Variants in RBFOX1 observed in about 807,000 individuals in gnomAD.
The protein encoded by RBFOX1 is RNA binding fox-1 homolog 1, also known as RNA binding protein fox-1 homolog 1.
RBFOX1 carries 8 observed loss-of-function variants against 57.7 expected under a neutral mutation model. The ratio of observed to expected loss-of-function variants is 0.14; its 90% confidence interval spans 0.08 to 0.25. RBFOX1 has a LOEUF of 0.25. RBFOX1 is among the 10% of genes least tolerant of loss of function. The probability of loss-of-function intolerance (pLI) is 1.00; values close to 1 mark genes in which losing one functional copy is unlikely to be tolerated. For synonymous variants in RBFOX1, 326 were observed against 222.4 expected, an observed-to-expected ratio of 1.47 and a Z score of -4.15; for missense variants, 611 against 548.5, an observed-to-expected ratio of 1.11 and a Z score of -1.14.
chr16:5,480,284 C>A (rs764986210), intron 2 of RBFOX1, among the ~76,000 whole-genome samples: 1 of 152,062 alleles, frequency 6.6e-6, no homozygotes, highest in African/African-American at 2.4e-5. Context: ...CCTAATCTCT[C>A]TCCAAGGTCC....
At chr16:6,800,523 G>A (rs1267215752) in intron 3 of RBFOX1, among the ~76,000 whole-genome samples, 2 of 152,106 alleles carry the variant, frequency 1.3e-5, no homozygotes, top group African/African-American at 4.8e-5. Context: ...TGATTCAAAA[G>A]CCGCCCTTCC....
intron 2 of RBFOX1, among the ~76,000 whole-genome samples, chr16:6,552,217 A>G (rs1262449809): frequency 6.6e-6 from 1 of 152,202 alleles, no homozygotes; most frequent in Non-Finnish European, 1.5e-5. Context: ...TTTAAGCTGA[A>G]TTAGACCAGT....
At chr16:7,411,594 T>C (rs2098425714) in intron 4 of RBFOX1, among the ~76,000 whole-genome samples, 1 of 152,102 alleles carries the variant, frequency 6.6e-6, no homozygotes, top group Admixed American at 6.6e-5. Context: ...TATCTGACTG[T>C]CAAGGTGATC....
intron 4 of RBFOX1, among the ~76,000 whole-genome samples, chr16:7,069,014 C>G (rs1295044075): frequency 6.6e-6 from 1 of 152,102 alleles, no homozygotes; most frequent in Non-Finnish European, 1.5e-5. Flanking sequence ...CACTTAAGTG[C>G]TAAGTAAAAC....
intron 6 of RBFOX1, among the ~76,000 whole-genome samples, chr16:7,585,912 TGCCCCACCCCTC>T (rs1264134708): frequency 6.6e-6 from 1 of 152,102 alleles, no homozygotes; most frequent in Non-Finnish European, 1.5e-5. Flanking sequence ...TTTTTTATCC[TGCCCCACCCCTC>T]ACCCCAGTCG....
chr16:6,950,805 A>T (rs1182888613), intron 3 of RBFOX1, among the ~76,000 whole-genome samples: 2 of 152,164 alleles, frequency 1.3e-5, no homozygotes, highest in Non-Finnish European at 1.5e-5. Context: ...ATCACAACAG[A>T]TGCTAAAGGA....
chr16:5,762,078 T>C (rs1181797182), intron 3 of RBFOX1, among the ~76,000 whole-genome samples: 1 of 152,154 alleles, frequency 6.6e-6, no homozygotes, highest in Non-Finnish European at 1.5e-5. Flanking sequence ...AATGGATCTA[T>C]TGTAAGAATA....
chr16:7,495,590 G>A (rs550732260), intron 4 of RBFOX1, among the ~76,000 whole-genome samples: 3 of 152,092 alleles, frequency 2.0e-5, no homozygotes, highest in East Asian at 1.9e-4. Flanking sequence ...GCATTTTTTC[G>A]TATGTTTGTT....
In RBFOX1 at chr16:7,658,807, C is replaced by T. The variant is rs181974657; in HGVS notation, c.890+4860C>T. On this transcript the variant is annotated intron_variant, in intron 12 of 15. Coordinates refer to ENST00000550418, the MANE Select transcript of RBFOX1 (RefSeq NM_018723.4). ...TGGTACAATCTCTGCTCACTGCAAC[C>T]TCCTCCTCCTGGGTTCAAGCAATTC... 2.2e-3 allele frequency among the ~76,000 whole-genome samples: 342 copies of T among 152,162 alleles called. 2 individuals carry two copies. The highest frequency in any genetic ancestry group is 3.4e-3 in the Middle Eastern group (1 of 294).
intron 2 of RBFOX1, among the ~76,000 whole-genome samples, chr16:5,544,238 T>A (rs1260716690): frequency 6.6e-6 from 1 of 152,304 alleles, no homozygotes; most frequent in East Asian, 1.9e-4. Flanking sequence ...AGTTCTTTGG[T>A]CCCAGTGGAA....
chr16:5,921,972 C>A (rs1001015306), intron 4 of RBFOX1, among the ~76,000 whole-genome samples: 4 of 150,992 alleles, frequency 2.6e-5, no homozygotes, highest in African/African-American at 9.8e-5. Flanking sequence ...AGCAACACAG[C>A]TGGACGCCAT....
intron 2 of RBFOX1, among the ~76,000 whole-genome samples, chr16:6,424,370 C>A (rs1370990648): frequency 6.6e-6 from 1 of 152,150 alleles, no homozygotes; most frequent in Non-Finnish European, 1.5e-5. Context: ...ATGTCTCATT[C>A]CACTGGGTGC....
intron 1 of RBFOX1, among the ~76,000 whole-genome samples, chr16:5,408,084 G>A (rs1268714055): frequency 6.6e-6 from 1 of 152,180 alleles, no homozygotes; most frequent in African/African-American, 2.4e-5. Flanking sequence ...TTTAAAGGTA[G>A]TGAATTATCT....
At chr16:7,211,693 G>A (rs1034230152) in intron 4 of RBFOX1, among the ~76,000 whole-genome samples, 1 of 152,130 alleles carries the variant, frequency 6.6e-6, no homozygotes, top group African/African-American at 2.4e-5. Context: ...TTCCTGCCCT[G>A]GGGTAATGGG....
intron 3 of RBFOX1, among the ~76,000 whole-genome samples, chr16:6,674,090 T>C (rs1203351992): frequency 6.6e-6 from 1 of 152,190 alleles, no homozygotes; most frequent in African/African-American, 2.4e-5. Flanking sequence ...TTGGTTCTAA[T>C]AGAAACACCA....
In RBFOX1 at chr16:6,794,884, G is replaced by T. The variant is rs373847997; in HGVS notation, c.-16+140234G>T. 1.8e-4 allele frequency among the ~76,000 whole-genome samples: 27 copies of T among 152,178 alleles called. 1 individual carries two copies. The highest frequency in any genetic ancestry group is 6.3e-4 in the African/African-American group (26 of 41,512). Reference sequence around the variant, plus strand: ...TTTTCCCCCTATGAAAAAAATGGAGGGAAGGCCTCTGGATCAACCCATTCA... The same window carrying T: ...TTTTCCCCCTATGAAAAAAATGGAGTGAAGGCCTCTGGATCAACCCATTCA... On this transcript the variant is annotated intron_variant, in intron 3 of 15. Coordinates refer to ENST00000550418, the MANE Select transcript of RBFOX1 (RefSeq NM_018723.4).
chr16:5,856,282 T>TACACACAC (rs1420858986), intron 3 of RBFOX1, among the ~76,000 whole-genome samples: 1 of 29,982 alleles, frequency 3.3e-5, no homozygotes, highest in African/African-American at 1.0e-4. Flanking sequence ...TACACATATA[T>TACACACAC]ATACACACAC....
intron 4 of RBFOX1, among the ~76,000 whole-genome samples, chr16:5,929,066 A>C (rs777742381): frequency 8.0e-5 from 12 of 150,656 alleles, no homozygotes; most frequent in Non-Finnish European, 1.8e-4. Context: ...AGAAAATCCT[A>C]TTTAAACACA....
At position 6,967,256 on chromosome 16, in the gene RBFOX1, G is replaced by C. The variant is rs78632293; in HGVS notation, c.-15-84801G>C. ...TTATACATTCATCTACCATCTGTCT[G>C]TCTGTACACTCATCATTTCATCATC... On this transcript the variant is annotated intron_variant, in intron 3 of 15. Transcript: ENST00000550418. Among the ~76,000 whole-genome samples, 844 of 152,112 alleles carry C rather than the reference G, an allele frequency of 5.5e-3. 7 individuals carry two copies. Among genetic ancestry groups the C allele is most frequent in the African/African-American group, 0.019 (789 of 41,488 alleles).
Sources: allele counts gnomAD v4.1 joint callset (sites outside exome capture counted in the v4.1 genomes callset), GRCh38; gene constraint gnomAD v4.1.1; transcripts MANE v1.5; gene names NCBI Gene and HGNC (gene_info 2026-07-23, HGNC 2026-07-21).